HTT: variants seen among roughly 807,000 people sequenced by gnomAD.
The protein encoded by HTT is huntingtin, also known as huntington disease protein.
A neutral mutation model predicts 362.3 loss-of-function variants in HTT; 104 were observed. That is an observed-to-expected ratio of 0.29 (90% CI 0.24 to 0.34). The LOEUF (loss-of-function observed/expected upper bound fraction) is 0.34. HTT is among the 10% of genes least tolerant of loss of function. The pLI is 1.00. For missense variants in HTT, 3,301 were observed against 3,928.6 expected, an observed-to-expected ratio of 0.84 and a Z score of 4.27; for synonymous variants, 1,577 against 1,548.7, an observed-to-expected ratio of 1.02 and a Z score of -0.43.
At chr4:3,237,924 C>A in intron 64 of HTT, among the ~76,000 whole-genome samples, 1 of 152,134 alleles carries the variant, frequency 6.6e-6, no homozygotes, top group East Asian at 1.9e-4. Context: ...AACAGTGCCA[C>A]GAAGCGTTAG....
chr4:3,098,803 G>A (rs915667267), intron 2 of HTT, among the ~76,000 whole-genome samples: 3 of 152,164 alleles, frequency 2.0e-5, no homozygotes, highest in Non-Finnish European at 4.4e-5. Flanking sequence ...CTGCTGAACT[G>A]ATTTTCAAGG....
Position 3,209,849 on chromosome 4 carries a change from A to G in HTT, c.6314A>G (p.Lys2105Arg), listed in dbSNP as rs1462715328. 3.7e-6 allele frequency: 6 copies of G among 1,614,080 alleles called. No individual in the cohort carries two copies. Among genetic ancestry groups the G allele is most frequent in the Non-Finnish European group, 5.1e-6 (6 of 1,179,952 alleles). The change falls in exon 47 of 67, where the codon AAA (lysine) becomes AGA (arginine). Residue 2105 changes from lysine (K) to arginine (R), a missense_variant. Lys to Arg is a conservative substitution (Grantham distance 26, BLOSUM62 2). Around this residue, in one of 4 missense-constraint regions of HTT, gnomAD observed 2,316 missense variants for 2,658.5 expected, o/e 0.87. Coordinates refer to ENST00000355072, the MANE Select transcript of HTT (RefSeq NM_001388492.1). ...CAGGACTGGTACGTTCATCTTGTCA[A>G]ATCCCAGTGTTGGACCAGGTCAGAT... ...PDKDWYVHLV[K>R]SQCWTRSDSA...
chr4:3,222,678 G>C (rs1578603470), intron 54 of HTT, among the ~76,000 whole-genome samples, 191 bp downstream of exon 54: 1 of 152,202 alleles, frequency 6.6e-6, no homozygotes, highest in African/African-American at 2.4e-5. Context: ...TGGGGGCTGC[G>C]ATTACCAATG....
In HTT at chr4:3,151,427, C is replaced by G. The variant is rs973504240; in HGVS notation, c.3499-2866C>G. ...GAGAGAGGAGGGAGAAAGGAGAGTG[C>G]CTGTAGGGGGAGTTGCTACACAAAG... is the stretch of plus-strand genomic sequence containing the variant. On this transcript the variant is annotated intron_variant, in intron 26 of 66. Transcript: ENST00000355072. 1.3e-5 allele frequency among the ~76,000 whole-genome samples: 2 copies of G among 151,860 alleles called. 1 individual carries two copies. The highest frequency in any genetic ancestry group is 4.2e-4 in the South Asian group (2 of 4,808).
At chr4:3,199,650 T>C in intron 40 of HTT, 82 bp from the exon 41 acceptor site, 1 of 1,286,416 alleles carries the variant, frequency 7.8e-7, no homozygotes, top group Non-Finnish European at 1.1e-6. Context: ...GCCTGTTTCA[T>C]TTTTATGTAA....
rs537720134 is a variant in HTT, at chr4:3,162,505, T to A, written c.3864+2113T>A. On this transcript the variant is annotated intron_variant, in intron 29 of 66. Transcript: ENST00000355072. ...GGGGGGATAGCATTGAATCTATAAA[T>A]TACTTTGGGCAGCAAGGCCATTTTC... Among the ~76,000 whole-genome samples, 253 of 152,328 alleles carry A rather than the reference T, an allele frequency of 1.7e-3. 1 individual carries two copies. Among genetic ancestry groups the A allele is most frequent in the African/African-American group, 5.7e-3 (237 of 41,562 alleles).
intron 65 of HTT, 64 bp downstream of exon 65, chr4:3,238,673 C>G: frequency 6.6e-7 from 1 of 1,523,396 alleles, no homozygotes; most frequent in Non-Finnish European, 8.9e-7. Context: ...CCTCCGACTT[C>G]CCAGCAGATT....
intron 57 of HTT, among the ~76,000 whole-genome samples, chr4:3,226,363 TAGG>T (rs1269327739): frequency 2.0e-5 from 3 of 152,044 alleles, no homozygotes; most frequent in Non-Finnish European, 4.4e-5. Flanking sequence ...TATAACATTT[TAGG>T]AGGCTGAGGC....
chr4:3,158,195 G>A (rs141370940), intron 28 of HTT, among the ~76,000 whole-genome samples: 590 of 152,198 alleles, frequency 3.9e-3, no homozygotes, highest in Middle Eastern at 6.8e-3. Flanking sequence ...AGTTGCCTGG[G>A]CTGGTCTCAA....
intron 1 of HTT, among the ~76,000 whole-genome samples, chr4:3,075,494 G>A (rs1712474938): frequency 6.6e-6 from 1 of 152,204 alleles, no homozygotes; most frequent in Non-Finnish European, 1.5e-5. Flanking sequence ...GAGGAGCCGA[G>A]ATTTGCTCAG....
At chr4:3,077,102 C>T (rs551562237) in intron 1 of HTT, among the ~76,000 whole-genome samples, 104 of 152,090 alleles carry the variant, frequency 6.8e-4, no homozygotes, top group African/African-American at 2.2e-3. Flanking sequence ...CGCTTGAACC[C>T]GGGAGGCAGA....
chr4:3,210,041 A>C (rs752678373), intron 47 of HTT, 92 bp downstream of exon 47: 375 of 1,499,168 alleles, frequency 2.5e-4, no homozygotes, highest in Non-Finnish European at 3.4e-4. Context: ...CCACTTGTTG[A>C]CAACACATGT....
At chr4:3,075,887 G>C (rs1009569218) in intron 1 of HTT, among the ~76,000 whole-genome samples, 3 of 152,154 alleles carry the variant, frequency 2.0e-5, no homozygotes, top group African/African-American at 7.2e-5. Context: ...AACTTACGTG[G>C]TGATTAATGA....
chr4:3,114,151 GGCT>G (rs1714904948), intron 6 of HTT, among the ~76,000 whole-genome samples: 3 of 152,178 alleles, frequency 2.0e-5, no homozygotes, highest in Non-Finnish European at 4.4e-5. Flanking sequence ...GAAGAGGTTG[GGCT>G]AGTTAACCGC....
At chr4:3,215,034 C>T in intron 50 of HTT, 76 bp from the exon 51 acceptor site, 1 of 1,236,712 alleles carries the variant, frequency 8.1e-7, no homozygotes, top group Non-Finnish European at 1.2e-6. Flanking sequence ...TGAGGCTGCA[C>T]AAATGTAAAA....
chr4:3,175,188 T>A, intron 33 of HTT, 81 bp downstream of exon 33: 1 of 1,284,888 alleles, frequency 7.8e-7, no homozygotes, highest in Non-Finnish European at 1.1e-6. Flanking sequence ...AAATCTACTT[T>A]AAAGAAATGT....
chr4:3,223,734 G>C (rs1720781292), intron 55 of HTT, among the ~76,000 whole-genome samples, 174 bp downstream of exon 55: 2 of 152,216 alleles, frequency 1.3e-5, no homozygotes, highest in Non-Finnish European at 2.9e-5. Context: ...CTCCTGGTCA[G>C]TGAGAAGCTG....
chr4:3,083,314 C>T (rs145068245), intron 1 of HTT, among the ~76,000 whole-genome samples: 101 of 152,116 alleles, frequency 6.6e-4, no homozygotes, highest in African/African-American at 2.3e-3. Flanking sequence ...TGAGGCCAGA[C>T]GACCAGCATA....
chr4:3,117,840 C>G (rs920327529), intron 8 of HTT, among the ~76,000 whole-genome samples: 2 of 152,084 alleles, frequency 1.3e-5, no homozygotes, highest in Non-Finnish European at 2.9e-5. Flanking sequence ...CTCAAAAAAA[C>G]AAAACTGCAA....
Sources: allele counts gnomAD v4.1 joint callset (sites outside exome capture counted in the v4.1 genomes callset), GRCh38; gene constraint gnomAD v4.1.1; regional missense constraint gnomAD v4.1.1; transcripts MANE v1.5; gene names NCBI Gene and HGNC (gene_info 2026-07-23, HGNC 2026-07-21).